Variants in PRKCH observed in about 807,000 individuals in gnomAD.
The protein encoded by PRKCH is protein kinase C eta type.
Under a neutral mutation model 82.5 loss-of-function variants are expected in PRKCH, and 28 were observed. The observed-to-expected ratio is 0.34, with a 90% CI of 0.25 to 0.47. The LOEUF (loss-of-function observed/expected upper bound fraction) is 0.47. Ranked by LOEUF, PRKCH falls within the 20% of genes least tolerant of loss-of-function variation. PRKCH has a pLI of 1.00. For synonymous variants in PRKCH, 322 were observed against 327.4 expected, an observed-to-expected ratio of 0.98 and a Z score of 0.18; for missense variants, 705 against 881.8, an observed-to-expected ratio of 0.80 and a Z score of 2.54.
intron 1 of PRKCH, among the ~76,000 whole-genome samples, chr14:61,352,694 GAAAGAAAGAAA>G (rs1286683827): frequency 6.2e-4 from 54 of 87,380 alleles, no homozygotes; most frequent in African/African-American, 1.9e-3. Context: ...GGAAAGGAAA[GAAAGAAAGAAA>G]GAAAGAAAGA....
intron 1 of PRKCH, among the ~76,000 whole-genome samples, chr14:61,288,709 T>C (rs1443632826): frequency 6.6e-6 from 1 of 152,190 alleles, no homozygotes; most frequent in Non-Finnish European, 1.5e-5. Flanking sequence ...ACTGTAGATG[T>C]TACCAGGAAG....
intron 1 of PRKCH, among the ~76,000 whole-genome samples, chr14:61,227,409 C>A (rs559743202): frequency 2.4e-4 from 36 of 152,188 alleles, no homozygotes; most frequent in African/African-American, 7.9e-4. Flanking sequence ...CTGGCTAACA[C>A]GGTGAAACCC....
At chr14:61,489,042 G>T (rs1254304392) in intron 10 of PRKCH, among the ~76,000 whole-genome samples, 1 of 152,132 alleles carries the variant, frequency 6.6e-6, no homozygotes, top group Non-Finnish European at 1.5e-5. Flanking sequence ...CAGTATACAG[G>T]CTGGGAACAG....
Position 61,433,077 on chromosome 14 carries a change from G to A in PRKCH, c.428-10034G>A, listed in dbSNP as rs114656380. Among the ~76,000 whole-genome samples the A allele has an allele frequency of 1.4e-3, 205 of 141,550 alleles. 1 individual carries two copies. Among genetic ancestry groups the A allele is most frequent in the African/African-American group, 5.2e-3 (184 of 35,552 alleles). The allele number at this position is 141,550 out of a possible 152,430, so 92.9% of individuals were successfully genotyped here. A position where few individuals can be genotyped will look rare whatever the true frequency, so the allele number is the denominator to read the frequency against. ...AAAAAAAAAACTATCAAAAAATGGT[G>A]GCCGAGGTTCAAAGCTCTCACCTTG... On this transcript the variant is annotated intron_variant, in intron 2 of 13. Transcript: ENST00000332981.
intron 10 of PRKCH, among the ~76,000 whole-genome samples, chr14:61,495,211 A>G (rs1179361156): frequency 1.3e-5 from 2 of 152,232 alleles, no homozygotes; most frequent in African/African-American, 2.4e-5. Context: ...TTTATAACAG[A>G]TAGACATTTA....
chr14:61,451,567 C>G (rs1256620051), intron 6 of PRKCH, among the ~76,000 whole-genome samples: 1 of 152,194 alleles, frequency 6.6e-6, no homozygotes, highest in Non-Finnish European at 1.5e-5. Flanking sequence ...TTGCATCTCA[C>G]CAGCTGTGCC....
At chr14:61,348,910 G>A (rs1018137476) in intron 1 of PRKCH, among the ~76,000 whole-genome samples, 4 of 152,240 alleles carry the variant, frequency 2.6e-5, no homozygotes, top group African/African-American at 9.6e-5. Context: ...CACAGCACTT[G>A]GCACACAGGA....
chr14:61,485,478 G>A, intron 9 of PRKCH, 24 bp from the exon 10 acceptor site: 2 of 1,610,952 alleles, frequency 1.2e-6, no homozygotes, highest in Non-Finnish European at 1.7e-6. Context: ...ACCACATTGG[G>A]CCCTCTCTTG....
intron 1 of PRKCH, among the ~76,000 whole-genome samples, chr14:61,266,155 T>C (rs2045098941): frequency 6.6e-6 from 1 of 152,228 alleles, no homozygotes; most frequent in Middle Eastern, 3.4e-3. Context: ...TGGTGGCTCA[T>C]GCCTGTAATC....
At chr14:61,335,446 A>G (rs1293237141) in intron 1 of PRKCH, among the ~76,000 whole-genome samples, 1 of 152,242 alleles carries the variant, frequency 6.6e-6, no homozygotes, top group Non-Finnish European at 1.5e-5. Context: ...TTGTAGTGGT[A>G]TAACTGATAG....
intron 1 of PRKCH, among the ~76,000 whole-genome samples, chr14:61,275,240 A>C (rs982471911): frequency 6.6e-6 from 1 of 152,210 alleles, no homozygotes; most frequent in Non-Finnish European, 1.5e-5. Flanking sequence ...ACTTTTATAG[A>C]GTTCTGTACA....
chr14:61,282,186 G>T (rs1373646479), intron 1 of PRKCH, among the ~76,000 whole-genome samples: 48 of 151,648 alleles, frequency 3.2e-4, no homozygotes, highest in Non-Finnish European at 3.8e-4. Context: ...GGAGTGTCTG[G>T]CCTAAGGAAG....
At chr14:61,224,249 C>T (rs2044678404) in intron 1 of PRKCH, among the ~76,000 whole-genome samples, 1 of 152,142 alleles carries the variant, frequency 6.6e-6, no homozygotes. Context: ...TTTACAGAAA[C>T]ACTGTAAAGA....
chr14:61,301,081 G>A (rs886517242), intron 1 of PRKCH, among the ~76,000 whole-genome samples: 2 of 152,134 alleles, frequency 1.3e-5, no homozygotes, highest in South Asian at 4.1e-4. Flanking sequence ...CTCTGCAGGA[G>A]AGAGATTCTC....
At chr14:61,272,823 T>G (rs1465059978) in intron 1 of PRKCH, among the ~76,000 whole-genome samples, 2 of 152,228 alleles carry the variant, frequency 1.3e-5, no homozygotes, top group East Asian at 3.8e-4. Flanking sequence ...TTTTCTTTGC[T>G]TTCAACTATC....
chr14:61,199,703 A>G lies in PRKCH; in HGVS notation c.-19+12035A>G, dbSNP rs8015559. Among the ~76,000 whole-genome samples, 730 of 152,218 alleles carry G rather than the reference A, an allele frequency of 4.8e-3. 5 individuals carry two copies. The highest frequency in any genetic ancestry group is 0.016 in the African/African-American group (664 of 41,548). ...ATGTAGGGGAACTGACACCATTCGC[A>G]TTGTTGGAAAGCGTCATGAAACATC... is the stretch of plus-strand genomic sequence containing the variant. On this transcript the variant is annotated intron_variant, in intron 1 of 3. Transcript: ENST00000555185.
intron 1 of PRKCH, among the ~76,000 whole-genome samples, chr14:61,284,026 G>C (rs946657072): frequency 1.3e-5 from 2 of 152,198 alleles, no homozygotes; most frequent in Non-Finnish European, 1.5e-5. Flanking sequence ...GTGCAGATGA[G>C]GTTGAAAAGA....
chr14:61,188,590 G>A (rs866718155), intron 1 of PRKCH, among the ~76,000 whole-genome samples: 2 of 56,380 alleles, frequency 3.5e-5, no homozygotes, highest in Admixed American at 2.1e-4. Flanking sequence ...TGTGTGTGTC[G>A]GGGGGGTGGG....
At chr14:61,224,787 CTT>C (rs1383158248) in intron 1 of PRKCH, among the ~76,000 whole-genome samples, 2 of 152,210 alleles carry the variant, frequency 1.3e-5, no homozygotes, top group Non-Finnish European at 2.9e-5. Flanking sequence ...CCCACCCTCT[CTT>C]TTCATGTTCC....
Sources: gnomAD v4.1 joint callset for allele counts (sites outside exome capture counted in the v4.1 genomes callset) on GRCh38, gnomAD v4.1.1 for gene constraint, MANE v1.5 for transcripts, NCBI Gene and HGNC (gene_info 2026-07-23, HGNC 2026-07-21) for gene names.